The following BICRA variants were observed in gnomAD, a reference collection of about 807,000 sequenced individuals.
BICRA encodes the protein BRD4-interacting chromatin-remodeling complex-associated protein.
In BICRA, 31 loss-of-function variants were observed where a neutral mutation model predicts 96.9. The ratio of observed to expected loss-of-function variants is 0.32; its 90% CI spans 0.24 to 0.43. BICRA has a LOEUF of 0.43. BICRA is among the 20% of genes least tolerant of loss of function. BICRA has a pLI of 1.00. For missense variants in BICRA, 2,283 were observed against 2,190.3 expected, an observed-to-expected ratio of 1.04 and a Z score of -0.84; for synonymous variants, 1,350 against 1,071.8, an observed-to-expected ratio of 1.26 and a Z score of -5.07.
At chr19:47,609,816 A>T (rs953743785) in intron 1 of BICRA, among the ~76,000 whole-genome samples, 23 of 151,778 alleles carry the variant, frequency 1.5e-4, no homozygotes, top group Non-Finnish European at 2.9e-5. Flanking sequence ...GGAGGGATGG[A>T]TGGGGAAGGA....
At chr19:47,692,476 C>T (rs746795328) in intron 7 of BICRA, among the ~76,000 whole-genome samples, 7 of 151,930 alleles carry the variant, frequency 4.6e-5, no homozygotes, top group Non-Finnish European at 7.4e-5. Context: ...GTTATCTGCC[C>T]GCCTCAGCCT....
At chr19:47,632,802 G>C (rs1201661509) in intron 1 of BICRA, among the ~76,000 whole-genome samples, 2 of 152,158 alleles carry the variant, frequency 1.3e-5, no homozygotes, top group Non-Finnish European at 2.9e-5. Context: ...CTAGGGAAAG[G>C]CGTGACTCAA....
chr19:47,634,249 C>T (rs1441749332), intron 1 of BICRA, among the ~76,000 whole-genome samples: 31 of 152,218 alleles, frequency 2.0e-4, no homozygotes, highest in Admixed American at 2.0e-3. Flanking sequence ...GGCTCAGAGC[C>T]TGGAGCCCAG....
At position 47,698,878 on chromosome 19, in the gene BICRA, C is replaced by T; in HGVS notation, c.3398-87C>T. On this transcript the variant is annotated intron_variant, in intron 12 of 14. Transcript: ENST00000594866. This position sits in a 1 kb window ranked among gnomAD's most constrained non-coding sequence, Gnocchi z 4.8. The stretch of plus-strand genomic sequence containing the variant: ...TGTGGAGCCGCAGGTCCACGGTGCG[C>T]TATGCTGACCCTGCCCCGCCCTCCT... 7.4e-7 allele frequency: 1 copy of T among 1,347,014 alleles called. No homozygotes were observed. The highest frequency in any genetic ancestry group is 1.0e-6 in the Non-Finnish European group (1 of 961,388). 83.4% of individuals were successfully genotyped at this position (1,347,014 alleles called of 1,614,324 possible).
intron 1 of BICRA, among the ~76,000 whole-genome samples, chr19:47,668,113 C>T (rs10411940): frequency 0.34 from 51,075 of 151,962 alleles, 10,379 homozygotes; most frequent in African/African-American, 0.56. Context: ...GCCTGTAATC[C>T]CAGCTACTCC....
Position 47,702,034 on chromosome 19 carries a change from C to G in BICRA, c.4302C>G (p.Ala1434=), listed in dbSNP as rs773926736. 1 of 1,491,462 alleles carries G rather than the reference C, an allele frequency of 6.7e-7. No individual in the cohort carries two copies. The highest frequency in any genetic ancestry group is 1.3e-5 in the South Asian group (1 of 79,072). The allele number at this position is 1,491,462 out of a possible 1,614,324, so 92.4% of individuals were successfully genotyped here. A position where few individuals can be genotyped will look rare whatever the true frequency, so the allele number is the denominator to read the frequency against. The stretch of plus-strand genomic sequence containing the variant: ...GCGGGCTCATCCGCGAGCTGGCGGC[C>G]GTGGAGGACGAGCTGTACCAGCGTA... ...ATSGLIRELA[A]VEDELYQRML... The change falls in exon 15 of 15, where the codon GCC becomes GCG. Residue 1434 remains alanine (A), a synonymous_variant. Coordinates refer to ENST00000594866, the MANE Select transcript of BICRA (RefSeq NM_001394372.1).
intron 1 of BICRA, among the ~76,000 whole-genome samples, chr19:47,626,883 A>C (rs1245796108): frequency 1.3e-5 from 2 of 151,284 alleles, no homozygotes; most frequent in African/African-American, 2.4e-5. Context: ...CACCACACCC[A>C]GCTAATTTTT....
At chr19:47,611,017 A>G (rs956549959) in intron 1 of BICRA, among the ~76,000 whole-genome samples, 1 of 152,168 alleles carries the variant, frequency 6.6e-6, no homozygotes, top group African/African-American at 2.4e-5. Context: ...CCACAGTCCA[A>G]GGAGGAAATA....
chr19:47,667,076 T>G (rs1972790776), intron 1 of BICRA, among the ~76,000 whole-genome samples: 1 of 151,310 alleles, frequency 6.6e-6, no homozygotes, highest in Non-Finnish European at 1.5e-5. Flanking sequence ...TGGAGTGCAG[T>G]GGCACGATCT....
At chr19:47,617,646 G>GA (rs1188439190) in intron 1 of BICRA, among the ~76,000 whole-genome samples, 1 of 152,086 alleles carries the variant, frequency 6.6e-6, no homozygotes, top group African/African-American at 2.4e-5. Flanking sequence ...TTACAAGCAT[G>GA]AGCTATGCAC....
chr19:47,682,145 C>A lies in BICRA; in HGVS notation c.2276C>A (p.Ala759Asp), dbSNP rs183402485. Residue 759 changes from alanine (A) to aspartate (D), a missense_variant, in exon 7 of 15, where the codon GCC (alanine) becomes GAC (aspartate). By Grantham distance (126) the Ala-to-Asp change is moderately radical. Transcript: ENST00000594866. ...APDSQASPAP[A>D]PQIPAAAPLK... ...GACAGCCAGGCTTCCCCGGCTCCGG[C>A]CCCCCAGGTAGAGGGACCCCAGCAG... The A allele has an allele frequency of 1.4e-6, 2 of 1,443,664 alleles. No individual in the cohort carries two copies. The highest frequency in any genetic ancestry group is 2.4e-5 in the East Asian group (1 of 41,714). 89.4% of individuals were successfully genotyped at this position (1,443,664 alleles called of 1,614,324 possible).
chr19:47,640,972 TCAC>T (rs1231584829), intron 1 of BICRA, among the ~76,000 whole-genome samples: 1 of 145,278 alleles, frequency 6.9e-6, no homozygotes, highest in African/African-American at 2.6e-5. Context: ...TGATCTTGGC[TCAC>T]TGCAACATCC....
chr19:47,698,943 G>A lies in BICRA; in HGVS notation c.3398-22G>A. On this transcript the variant is annotated intron_variant, in intron 12 of 14. Coordinates refer to ENST00000594866, the MANE Select transcript of BICRA (RefSeq NM_001394372.1). This position sits in a 1 kb window ranked among gnomAD's most constrained non-coding sequence, Gnocchi z 4.8. ...GGCCGCCCCCAACATCTCCGCCCTT[G>A]CCTCTCTTCCCTTCCTCGCAGTGGA... 2 of 1,545,144 alleles carry A rather than the reference G, an allele frequency of 1.3e-6. No individual in the cohort carries two copies. Among genetic ancestry groups the A allele is most frequent in the East Asian group, 2.4e-5 (1 of 41,616 alleles).
At position 47,689,066 on chromosome 19, in the gene BICRA, A is replaced by G. The variant is rs1158030232; in HGVS notation, c.2284-5049A>G. On this transcript the variant is annotated intron_variant, in intron 7 of 14. Coordinates refer to ENST00000594866, the MANE Select transcript of BICRA (RefSeq NM_001394372.1). ...GGTCTTGGACTCCTGACCTCAAGTG[A>G]TCCACCCGCCTTGGCATCCCAAAGT... Among the ~76,000 whole-genome samples the G allele has an allele frequency of 2.6e-5, 4 of 151,810 alleles. 1 individual carries two copies. In the South Asian group the frequency reaches 8.4e-4, roughly 32 times the overall value.
At chr19:47,661,477 G>A (rs1477228444) in intron 1 of BICRA, among the ~76,000 whole-genome samples, 1 of 152,056 alleles carries the variant, frequency 6.6e-6, no homozygotes, top group East Asian at 1.9e-4. Context: ...AGCCGGGCCG[G>A]GGAGGAGGGC....
chr19:47,688,803 AAT>A (rs1491221225), intron 7 of BICRA, among the ~76,000 whole-genome samples: 7 of 151,980 alleles, frequency 4.6e-5, no homozygotes, highest in South Asian at 2.1e-4. Flanking sequence ...AAAAAAAAAA[AAT>A]TTTTTTTTCT....
chr19:47,701,569 C>T lies in BICRA; in HGVS notation c.3837C>T (p.Ser1279=). 7 of 1,553,462 alleles carry T rather than the reference C, an allele frequency of 4.5e-6. No individual in the cohort carries two copies. Among genetic ancestry groups the T allele is most frequent in the Non-Finnish European group, 6.1e-6 (7 of 1,149,252 alleles). The change falls in exon 15 of 15, where the codon TCC becomes TCT. Residue 1279 remains serine, a synonymous_variant. Coordinates refer to ENST00000594866, the MANE Select transcript of BICRA (RefSeq NM_001394372.1). This position sits in a 1 kb window ranked among gnomAD's most constrained non-coding sequence, Gnocchi z 5.4. The part of the protein sequence containing the change: ...SSSSSSSSAA[S]SLDADEDGPM... ...CTTCCTCCTCCTCCTCTGCCGCCTC[C>T]TCCTTGGACGCCGACGAGGACGGCC...
intron 1 of BICRA, among the ~76,000 whole-genome samples, chr19:47,609,688 G>C (rs1048728630): frequency 1.4e-4 from 21 of 151,858 alleles, no homozygotes; most frequent in African/African-American, 5.1e-4. Context: ...GGCAGCGGGC[G>C]GTGATCTCCC....
At position 47,696,478 on chromosome 19, in the gene BICRA, A is replaced by G; in HGVS notation, c.3214A>G (p.Lys1072Glu). 6.2e-7 allele frequency: 1 copy of G among 1,604,672 alleles called. No individual in the cohort carries two copies. The highest frequency in any genetic ancestry group is 8.5e-7 in the Non-Finnish European group (1 of 1,175,752). The stretch of plus-strand genomic sequence containing the variant: ...TGAGAGCAAACTGAGTGGCCTGAAG[A>G]AGCCCCCCACGCTTCAGCCCAGCAA... ...QYESKLSGLK[K>E]PPTLQPSKEA... Residue 1072 changes from lysine (K) to glutamate (E), a missense_variant, in exon 11 of 15, where the codon AAG becomes GAG. Coordinates refer to ENST00000594866, the MANE Select transcript of BICRA (RefSeq NM_001394372.1).
Sources: gnomAD v4.1 joint callset for allele counts (sites outside exome capture counted in the v4.1 genomes callset) on GRCh38, gnomAD v4.1.1 for gene constraint, Gnocchi (gnomAD v3.1) non-coding constraint, MANE v1.5 for transcripts, NCBI Gene and HGNC (gene_info 2026-07-23, HGNC 2026-07-21) for gene names.